STKLD1: variants seen among roughly 807,000 people sequenced by gnomAD.
STKLD1 encodes serine/threonine kinase like domain containing 1.
In STKLD1, 79 loss-of-function variants were observed where a neutral mutation model predicts 80.4. That is an observed-to-expected ratio of 0.98 (90% CI 0.82 to 1.19). The LOEUF (loss-of-function observed/expected upper bound fraction) is 1.19. STKLD1 is among the 50% of genes most tolerant of loss of function. The pLI, the probability that STKLD1 is intolerant of heterozygous loss-of-function variation, is 0.00. For missense variants in STKLD1, 841 were observed against 856.0 expected (o/e 0.98, Z 0.22); for synonymous variants, 393 against 357.6 (o/e 1.10, Z -1.12).
At chr9:133,379,256 C>G (rs1464007537) in intron 2 of STKLD1, 134 bp downstream of exon 2, 1 of 717,668 alleles carries the variant, frequency 1.4e-6, no homozygotes, top group African/African-American at 1.8e-5. Context: ...CTTGCGGAGA[C>G]TAATCTGGTT....
Position 133,403,692 on chromosome 9 carries a change from C to T in STKLD1, c.1475-8C>T, listed in dbSNP as rs371468526. 102 of 1,611,632 alleles carry T rather than the reference C, an allele frequency of 6.3e-5. No homozygotes were observed. The highest frequency in any genetic ancestry group is 7.9e-5 in the Non-Finnish European group (93 of 1,178,504). On this transcript the variant is annotated splice_region_variant and splice_polypyrimidine_tract_variant and intron_variant, in intron 14 of 17. Transcript: ENST00000371957. ...GGGTGTCCCCTTCCATCCCTGTCCT[C>T]GTTCCAGGTATCATTGTGAACAAGG... is the stretch of plus-strand genomic sequence containing the variant.
At chr9:133,403,339 G>A (rs190371202) in intron 14 of STKLD1, among the ~76,000 whole-genome samples, 3 of 152,024 alleles carry the variant, frequency 2.0e-5, no homozygotes, top group South Asian at 2.1e-4. Context: ...AGAGGGCAGC[G>A]GTGGTGTGGT....
intron 10 of STKLD1, 66 bp from the exon 11 acceptor site, chr9:133,397,906 C>A: frequency 1.5e-6 from 2 of 1,374,698 alleles, no homozygotes; most frequent in South Asian, 2.5e-5. Flanking sequence ...AGTGTGGTGC[C>A]GAGAAACAGA....
chr9:133,378,365 C>G (rs1057250927), intron 1 of STKLD1, among the ~76,000 whole-genome samples: 17 of 152,320 alleles, frequency 1.1e-4, no homozygotes, highest in Non-Finnish European at 2.4e-4. Context: ...CCCGGCCCAG[C>G]CCCCTGCCCC....
intron 13 of STKLD1, among the ~76,000 whole-genome samples, chr9:133,402,280 C>A (rs1046837921): frequency 2.6e-5 from 4 of 152,086 alleles, no homozygotes; most frequent in Admixed American, 2.6e-4. Flanking sequence ...CCATACAGAG[C>A]GCTCACACCT....
intron 13 of STKLD1, among the ~76,000 whole-genome samples, chr9:133,402,303 C>T (rs949734351): frequency 2.0e-5 from 3 of 152,124 alleles, no homozygotes; most frequent in African/African-American, 7.2e-5. Context: ...ACCCACAAAT[C>T]GGGTGGGCAC....
At chr9:133,398,178 G>A (rs1222064683) in intron 11 of STKLD1, 123 bp downstream of exon 11, 15 of 802,318 alleles carry the variant, frequency 1.9e-5, no homozygotes, top group East Asian at 2.7e-5. Flanking sequence ...TTATTGCAGC[G>A]TGGAGGCGTG....
chr9:133,391,136 TG>T (rs2130288147), intron 7 of STKLD1, among the ~76,000 whole-genome samples: 16,077 of 145,588 alleles, frequency 0.11, 1,228 homozygotes, highest in African/African-American at 0.21. Context: ...CGGAGGGAGG[TG>T]GGGGGGGTCA....
rs1838496796 is a variant in STKLD1 at position 133,394,199 on chromosome 9, A to C, written c.584-92A>C. 1 of 842,882 alleles carries C rather than the reference A, an allele frequency of 1.2e-6. No individual in the cohort carries two copies. Among genetic ancestry groups the C allele is most frequent in the Non-Finnish European group, 2.0e-6 (1 of 489,390 alleles). 52.2% of individuals were successfully genotyped at this position (842,882 alleles called of 1,614,324 possible). A position where few individuals can be genotyped will look rare whatever the true frequency, so the allele number is the denominator to read the frequency against. On this transcript the variant is annotated intron_variant, in intron 7 of 17. Coordinates refer to ENST00000371957, the MANE Select transcript of STKLD1 (RefSeq NM_153710.5). This position sits in a 1 kb window ranked among gnomAD's most constrained non-coding sequence, Gnocchi z 4.9. The stretch of plus-strand genomic sequence containing the variant: ...TCAAGCTGCTTGCGGGGGGCCACCA[A>C]AGGGGATACAGTGCTGGGCAGGGTG...
chr9:133,397,939 A>G, intron 10 of STKLD1, 33 bp from the exon 11 acceptor site: 1 of 1,593,334 alleles, frequency 6.3e-7, no homozygotes, highest in Non-Finnish European at 8.6e-7. Context: ...TGGTCCTCAG[A>G]AAGGTCCCTC....
At chr9:133,404,154 A>C in intron 16 of STKLD1, 106 bp downstream of exon 16, 1 of 1,371,260 alleles carries the variant, frequency 7.3e-7, no homozygotes, top group Non-Finnish European at 9.8e-7. Flanking sequence ...AGAAGCAACA[A>C]ATCAAAAAGG....
rs1020344437 is a variant in STKLD1, at chr9:133,402,982, C to G, written c.1444C>G (p.Leu482Val). Residue 482 changes from leucine (L) to valine (V), a missense_variant, in exon 14 of 18, where the codon CTG (leucine) becomes GTG (valine). Physicochemically the swap from Leu to Val is conservative, Grantham distance 32 (BLOSUM62 1). Transcript: ENST00000371957. ...LESRDVCASGLGLLWALLLDG... is the reference protein window; with the variant it reads ...LESRDVCASGVGLLWALLLDG... ...AAGCAGGGACGTCTGCGCCAGCGGC[C>G]TGGGCCTGCTCTGGGCCCTCCTGCT... 1.7e-5 allele frequency: 27 copies of G among 1,576,412 alleles called. No individual in the cohort carries two copies. The African/African-American group carries it at 3.4e-4, about 20-fold the overall frequency.
At chr9:133,383,246 ATGGTGGTGGTGTTGGAG>A (rs1838183418) in intron 2 of STKLD1, among the ~76,000 whole-genome samples, 1 of 119,260 alleles carries the variant, frequency 8.4e-6, no homozygotes, top group Non-Finnish European at 1.8e-5. Flanking sequence ...GATGATGGTG[ATGGTGGTGGTGTTGGAG>A]TGATGGTGGT....
Position 133,395,594 on chromosome 9 carries a change from G to A in STKLD1, c.703-6G>A, listed in dbSNP as rs41297211. The A allele has an allele frequency of 0.088, 141,689 of 1,612,220 alleles. 7,384 individuals are homozygous for A. The highest frequency in any genetic ancestry group is 0.22 in the African/African-American group (16,428 of 74,884). On this transcript the variant is annotated splice_polypyrimidine_tract_variant and splice_region_variant and intron_variant, in intron 8 of 17. Transcript: ENST00000371957. ...GAATACACAGAGCTGTCCTCTCTCC[G>A]TGCAGGGCACAGAAGCCATGCATCT...
chr9:133,403,028 C>G lies in STKLD1; in HGVS notation c.1474+16C>G, dbSNP rs1193865795. On this transcript the variant is annotated intron_variant, in intron 14 of 17. Transcript: ENST00000371957. ...CTGCTGGACGGTGAGGGGCCCTCCT[C>G]CTGCTGTCCCACCGGGGCTGGCAGC... The G allele has an allele frequency of 6.4e-7, 1 of 1,554,006 alleles. No homozygotes were observed. The highest frequency in any genetic ancestry group is 8.7e-7 in the Non-Finnish European group (1 of 1,148,428).
At chr9:133,400,321 A>G (rs1838666703) in intron 11 of STKLD1, 92 bp from the exon 12 acceptor site, 15 of 876,350 alleles carry the variant, frequency 1.7e-5, no homozygotes, top group South Asian at 1.5e-4. Flanking sequence ...AGGGCCCTGC[A>G]GGCTCCTACC....
chr9:133,393,659 G>GGATA (rs1838484180), intron 7 of STKLD1, among the ~76,000 whole-genome samples: 2 of 150,324 alleles, frequency 1.3e-5, no homozygotes, highest in Non-Finnish European at 3.0e-5. Context: ...GTGGGTGGGT[G>GGATA]GATGGATGGA....
Position 133,405,436 on chromosome 9 carries a change from C to T in STKLD1, c.*15C>T, listed in dbSNP as rs1554778557. 1 of 1,591,778 alleles carries T rather than the reference C, an allele frequency of 6.3e-7. No individual in the cohort carries two copies. Among genetic ancestry groups the T allele is most frequent in the Admixed American group, 1.7e-5 (1 of 58,076 alleles). ...GACTGGAATAGATGTTTGTATGGAACTGACCTTGATCTCCACGTGTATAGT... is the reference window on the plus strand; with the variant it reads ...GACTGGAATAGATGTTTGTATGGAATTGACCTTGATCTCCACGTGTATAGT... On this transcript the variant is annotated 3_prime_UTR_variant, in exon 18 of 18. Coordinates refer to ENST00000371957, the MANE Select transcript of STKLD1 (RefSeq NM_153710.5).
At position 133,390,710 on chromosome 9, in the gene STKLD1, T is replaced by A; in HGVS notation, c.497T>A (p.Ile166Asn). 6.2e-7 allele frequency: 1 copy of A among 1,613,834 alleles called. No homozygotes were observed. The highest frequency in any genetic ancestry group is 8.5e-7 in the Non-Finnish European group (1 of 1,179,926). ...RNLKPSNIIL[I>N]SSDHCKLQDL... ...CTCAAACCCTCCAACATCATCCTCA[T>A]CAGCAGTGACCACTGCAAACTGCAG... Residue 166 changes from isoleucine to asparagine, a missense_variant, in exon 7 of 18, where the codon ATC becomes AAC. Coordinates refer to ENST00000371957, the MANE Select transcript of STKLD1 (RefSeq NM_153710.5). This position sits in a 1 kb window ranked among gnomAD's most constrained non-coding sequence, Gnocchi z 5.1.
Sources: allele counts gnomAD v4.1 joint callset (sites outside exome capture counted in the v4.1 genomes callset), GRCh38; gene constraint gnomAD v4.1.1; non-coding constraint Gnocchi (gnomAD v3.1); transcripts MANE v1.5; gene names NCBI Gene and HGNC (gene_info 2026-07-23, HGNC 2026-07-21).